Variants in LAMA2 observed in about 807,000 individuals in gnomAD.
The protein encoded by LAMA2 is laminin subunit alpha 2.
LAMA2 carries 269 observed loss-of-function variants against 364.8 expected under a neutral mutation model. The ratio of observed to expected loss-of-function variants is 0.74; its 90% CI spans 0.67 to 0.82. The LOEUF is 0.82. LAMA2 is among the 40% of genes least tolerant of loss of function. The pLI is 0.00. For missense variants in LAMA2, 3,807 were observed against 3,873.2 expected (o/e 0.98, Z 0.45); for synonymous variants, 1,379 against 1,370.6 (o/e 1.01, Z -0.14).
chr6:129,291,658 A>C lies in LAMA2; in HGVS notation c.2794A>C (p.Ser932Arg), dbSNP rs761539740. 6.2e-7 allele frequency: 1 copy of C among 1,614,198 alleles called. No individual in the cohort carries two copies. The change falls in exon 20 of 65, where the codon AGT (serine) becomes CGT (arginine). Residue 932 changes from serine (S) to arginine (R), a missense_variant. Transcript: ENST00000421865. Reference sequence around the variant, plus strand: ...TGGCTCTTTCTCTGAGGTTTGCCACAGTCAAACTGGACAGTGTGAGTGCAG... The same window carrying C: ...TGGCTCTTTCTCTGAGGTTTGCCACCGTCAAACTGGACAGTGTGAGTGCAG... ...AGGSFSEVCH[S>R]QTGQCECRAN...
intron 12 of LAMA2, among the ~76,000 whole-genome samples, chr6:129,196,388 C>T (rs1484536139): frequency 6.7e-6 from 1 of 149,498 alleles, no homozygotes; most frequent in Non-Finnish European, 1.5e-5. Context: ...ATAAAAGAAG[C>T]TCAACAAATA....
At chr6:129,357,494 A>G (rs780609868) in intron 32 of LAMA2, among the ~76,000 whole-genome samples, 2 of 152,022 alleles carry the variant, frequency 1.3e-5, no homozygotes, top group Non-Finnish European at 2.9e-5. Flanking sequence ...GTCACAATTT[A>G]CTTAAATTCT....
intron 40 of LAMA2, among the ~76,000 whole-genome samples, chr6:129,413,377 G>A (rs1272233292): frequency 6.6e-6 from 1 of 152,034 alleles, no homozygotes; most frequent in Non-Finnish European, 1.5e-5. Context: ...CTTAAAAAGT[G>A]ATAGATCAAG....
intron 1 of LAMA2, among the ~76,000 whole-genome samples, chr6:128,947,431 C>T (rs2114558595): frequency 6.6e-6 from 1 of 152,236 alleles, no homozygotes; most frequent in African/African-American, 2.4e-5. Context: ...TTTCAATGTA[C>T]TGTTGAGTGG....
At chr6:129,157,795 G>T in intron 8 of LAMA2, 1 of 1,613,362 alleles carries the variant, frequency 6.2e-7, no homozygotes, top group Non-Finnish European at 8.5e-7. Context: ...GTGATACAAC[G>T]ACGAGCCATC....
rs113393627 is a variant in LAMA2, at chr6:129,235,188, C to G, written c.1783-14924C>G. On this transcript the variant is annotated intron_variant, in intron 12 of 64. Coordinates refer to ENST00000421865, the MANE Select transcript of LAMA2 (RefSeq NM_000426.4). ...GGGCTTAGAACCAACTGAACTGGTA[C>G]AAAATAAACATTAGGTATTTCAGTA... 4.7e-3 allele frequency among the ~76,000 whole-genome samples: 710 copies of G among 152,128 alleles called. 3 individuals carry two copies. The highest frequency in any genetic ancestry group is 0.016 in the African/African-American group (676 of 41,510).
intron 35 of LAMA2, among the ~76,000 whole-genome samples, chr6:129,390,415 G>C (rs1779255855): frequency 6.6e-6 from 1 of 151,788 alleles, no homozygotes; most frequent in Non-Finnish European, 1.5e-5. Flanking sequence ...CCTGTTTCAG[G>C]AGCTCTGCCC....
intron 6 of LAMA2, among the ~76,000 whole-genome samples, chr6:129,148,132 A>G (rs1265859684): frequency 2.0e-5 from 3 of 152,052 alleles, no homozygotes; most frequent in East Asian, 3.9e-4. Context: ...ATTTGGAGGA[A>G]GTGAAAAAAT....
intron 1 of LAMA2, among the ~76,000 whole-genome samples, chr6:129,044,003 G>T (rs1787286533): frequency 6.6e-6 from 1 of 152,108 alleles, no homozygotes; most frequent in South Asian, 2.1e-4. Context: ...TACACCTGCT[G>T]TGGCTATTTT....
At chr6:129,402,208 C>CAAA (rs372396435) in intron 38 of LAMA2, 116 bp from the exon 39 acceptor site, 4,014 of 440,770 alleles carry the variant, frequency 9.1e-3, no homozygotes, top group East Asian at 0.011. Flanking sequence ...GACTCTGTCT[C>CAAA]AAAAAAAAAA....
chr6:129,278,652 C>T (rs917065559), intron 17 of LAMA2, among the ~76,000 whole-genome samples: 14 of 152,168 alleles, frequency 9.2e-5, no homozygotes, highest in South Asian at 6.2e-4. Flanking sequence ...GCAGTGCACA[C>T]GCTGGGTATG....
chr6:129,505,323 C>T lies in LAMA2; in HGVS notation c.8671C>T (p.Pro2891Ser). Reference protein sequence around the residue: ...VVGMLYVGGLPINYTTRRIGP... With the variant: ...VVGMLYVGGLSINYTTRRIGP... ...GGGAATGCTGTATGTTGGTGGGTTA[C>T]CCATCAACTACACTACCCGAAGAAT... Residue 2891 changes from proline to serine, a missense_variant, in exon 61 of 65, where the codon CCC becomes TCC. Pro to Ser is a moderately conservative substitution (Grantham distance 74). Around this residue, in one of 3 missense-constraint regions of LAMA2, gnomAD observed 3,333 missense variants for 3,345.7 expected, o/e 1.00. Transcript: ENST00000421865. 1 of 1,613,814 alleles carries T rather than the reference C, an allele frequency of 6.2e-7. No homozygotes were observed. The highest frequency in any genetic ancestry group is 8.5e-7 in the Non-Finnish European group (1 of 1,179,738).
At chr6:129,236,372 C>G (rs1254113047) in intron 12 of LAMA2, among the ~76,000 whole-genome samples, 1 of 152,110 alleles carries the variant, frequency 6.6e-6, no homozygotes, top group Non-Finnish European at 1.5e-5. Flanking sequence ...AATGAAACAT[C>G]TGGTTTCGGC....
intron 28 of LAMA2, 22 bp downstream of exon 28, chr6:129,320,677 T>G: frequency 7.6e-7 from 1 of 1,310,948 alleles, no homozygotes; most frequent in Non-Finnish European, 1.1e-6. Context: ...CCTACTAACC[T>G]GCTTAATCTC....
chr6:129,201,075 G>GA (rs1232591646), intron 12 of LAMA2, among the ~76,000 whole-genome samples: 1 of 152,014 alleles, frequency 6.6e-6, no homozygotes, highest in African/African-American at 2.4e-5. Context: ...GCCTGAGGGG[G>GA]AAAAAATGTG....
At chr6:129,508,948 C>G (rs1183125254) in intron 62 of LAMA2, among the ~76,000 whole-genome samples, 3 of 152,116 alleles carry the variant, frequency 2.0e-5, no homozygotes, top group Non-Finnish European at 4.4e-5. Context: ...ATAGCAGTTG[C>G]ACTAGTTTAC....
chr6:128,921,180 T>A (rs1778687876), intron 1 of LAMA2, among the ~76,000 whole-genome samples: 1 of 152,184 alleles, frequency 6.6e-6, no homozygotes, highest in African/African-American at 2.4e-5. Flanking sequence ...AGATTATCTC[T>A]CCTTTTTTAA....
At chr6:129,222,610 G>A (rs1170892659) in intron 12 of LAMA2, among the ~76,000 whole-genome samples, 5 of 150,512 alleles carry the variant, frequency 3.3e-5, no homozygotes, top group Non-Finnish European at 7.4e-5. Context: ...TGTTGTCCTT[G>A]TGATAGTTTG....
Position 129,252,184 on chromosome 6 carries a change from TACA to T in LAMA2, c.1986_1988del (p.His663del). ...TTACTTAAAGAAGAATCATTTACCA[TACA>T]TGGCACACATTTTCCAGTCCGTAGA... On this transcript the variant is annotated inframe_deletion, in exon 14 of 65. Transcript: ENST00000421865. The T allele has an allele frequency of 1.9e-6, 3 of 1,613,696 alleles. No homozygotes were observed. The highest frequency in any genetic ancestry group is 2.5e-6 in the Non-Finnish European group (3 of 1,179,616).
Sources: gnomAD v4.1 joint callset for allele counts (sites outside exome capture counted in the v4.1 genomes callset) on GRCh38, gnomAD v4.1.1 for gene constraint, gnomAD v4.1.1 regional missense constraint, MANE v1.5 for transcripts, NCBI Gene and HGNC (gene_info 2026-07-23, HGNC 2026-07-21) for gene names.